LARGE1: variants seen among roughly 807,000 people sequenced by gnomAD.
LARGE1 encodes xylosyl- and glucuronyltransferase LARGE1.
A neutral mutation model predicts 87.6 loss-of-function variants in LARGE1; 43 were observed. The observed-to-expected ratio is 0.49, with a 90% confidence interval of 0.38 to 0.63. LARGE1 has a LOEUF of 0.63. Ranked by LOEUF, LARGE1 falls within the 30% of genes least tolerant of loss-of-function variation. LARGE1 has a pLI of 0.00. For missense variants in LARGE1, 802 were observed against 1,000.2 expected, an observed-to-expected ratio of 0.80 and a Z score of 2.67; for synonymous variants, 434 against 394.6, an observed-to-expected ratio of 1.10 and a Z score of -1.18.
intron 11 of LARGE1, among the ~76,000 whole-genome samples, chr22:33,259,884 G>T (rs1054603850): frequency 1.2e-4 from 18 of 152,180 alleles, no homozygotes; most frequent in African/African-American, 4.3e-4. Flanking sequence ...CTGGTATTTT[G>T]ACATCTGGGG....
intron 2 of LARGE1, among the ~76,000 whole-genome samples, chr22:33,728,610 TC>T (rs1187109735): frequency 6.8e-6 from 1 of 146,708 alleles, no homozygotes; most frequent in African/African-American, 2.5e-5. Context: ...CCAGGGGATT[TC>T]TTCCAGGTAC....
the LARGE1 span, among the ~76,000 whole-genome samples, chr22:33,068,513 C>T: frequency 1.3e-5 from 2 of 152,020 alleles, no homozygotes; most frequent in South Asian, 2.1e-4. Context: ...GGTGTGGTGG[C>T]GGGCACCTGT....
chr22:33,347,357 G>A (rs1939881655), intron 9 of LARGE1, among the ~76,000 whole-genome samples: 1 of 152,178 alleles, frequency 6.6e-6, no homozygotes, highest in Non-Finnish European at 1.5e-5. Flanking sequence ...CACAGTGCTT[G>A]GCACGCAGTT....
At chr22:33,575,445 T>C (rs981357187) in intron 5 of LARGE1, among the ~76,000 whole-genome samples, 1 of 152,188 alleles carries the variant, frequency 6.6e-6, no homozygotes, top group Non-Finnish European at 1.5e-5. Context: ...TGTACTTCTT[T>C]TTAAATTTAG....
At position 33,616,021 on chromosome 22, in the gene LARGE1, T is replaced by G. The variant is rs573922451; in HGVS notation, c.491+10223A>C. On this transcript the variant is annotated intron_variant, in intron 4 of 14. Transcript: ENST00000397394. ...AAAAAGATATATAACAAACAGTGATTAAGAATTTGCAGATATTGGAACCCT... is the reference window on the plus strand; with the variant it reads ...AAAAAGATATATAACAAACAGTGATGAAGAATTTGCAGATATTGGAACCCT... Among the ~76,000 whole-genome samples the G allele has an allele frequency of 9.2e-5, 14 of 152,272 alleles. 1 individual carries two copies. The highest frequency in any genetic ancestry group is 9.2e-4 in the Admixed American group (14 of 15,300).
At chr22:33,702,332 C>T (rs1244117830) in intron 2 of LARGE1, among the ~76,000 whole-genome samples, 1 of 152,166 alleles carries the variant, frequency 6.6e-6, no homozygotes, top group Non-Finnish European at 1.5e-5. Context: ...CTACCATTCT[C>T]CAAGGCCCAG....
chr22:33,624,515 GAGA>G (rs1313362363), intron 4 of LARGE1, among the ~76,000 whole-genome samples: 1 of 152,128 alleles, frequency 6.6e-6, no homozygotes, highest in Non-Finnish European at 1.5e-5. Flanking sequence ...GGAGGAAATG[GAGA>G]AGGAGGGAGA....
At chr22:33,739,261 G>C (rs963823378) in intron 2 of LARGE1, among the ~76,000 whole-genome samples, 11 of 152,116 alleles carry the variant, frequency 7.2e-5, no homozygotes, top group African/African-American at 2.7e-4. Flanking sequence ...TGGGATGCCT[G>C]GCTTTGGGAA....
At chr22:33,343,569 C>G (rs1432459291) in intron 9 of LARGE1, among the ~76,000 whole-genome samples, 1 of 152,208 alleles carries the variant, frequency 6.6e-6, no homozygotes. Context: ...TAGCCCCCTA[C>G]TGTCCTTACT....
intron 12 of LARGE1, among the ~76,000 whole-genome samples, chr22:33,300,817 C>T (rs967842583): frequency 2.6e-5 from 4 of 152,014 alleles, no homozygotes; most frequent in Non-Finnish European, 5.9e-5. Flanking sequence ...TGGGATTACA[C>T]GCGTGAGCCA....
chr22:33,658,819 C>A (rs189338667), intron 2 of LARGE1, among the ~76,000 whole-genome samples: 110 of 152,294 alleles, frequency 7.2e-4, no homozygotes, highest in African/African-American at 2.5e-3. Flanking sequence ...AAAACAGCCA[C>A]TCCCATGGGA....
intron 1 of LARGE1, among the ~76,000 whole-genome samples, chr22:33,816,302 G>C (rs1166709068): frequency 6.6e-6 from 1 of 152,162 alleles, no homozygotes; most frequent in Non-Finnish European, 1.5e-5. Flanking sequence ...AAAACAAAAT[G>C]CCACCGACTA....
At chr22:33,812,548 T>C (rs967392466) in intron 1 of LARGE1, among the ~76,000 whole-genome samples, 1 of 152,196 alleles carries the variant, frequency 6.6e-6, no homozygotes, top group African/African-American at 2.4e-5. Flanking sequence ...TTGTCATCAG[T>C]GAGGCCTCAC....
At chr22:33,571,500 A>T (rs115458277) in intron 5 of LARGE1, among the ~76,000 whole-genome samples, 157 of 152,276 alleles carry the variant, frequency 1.0e-3, no homozygotes, top group African/African-American at 3.7e-3. Context: ...AATGGTGATG[A>T]CACATTTCTG....
chr22:33,390,997 A>G (rs2065499695), intron 7 of LARGE1, among the ~76,000 whole-genome samples: 1 of 151,914 alleles, frequency 6.6e-6, no homozygotes, highest in Non-Finnish European at 1.5e-5. Flanking sequence ...ACACCCAGCT[A>G]ATTTTTTGTA....
chr22:33,407,934 A>G (rs1356215363), intron 7 of LARGE1, among the ~76,000 whole-genome samples: 1 of 152,048 alleles, frequency 6.6e-6, no homozygotes, highest in Non-Finnish European at 1.5e-5. Context: ...GGGAATACAC[A>G]TGTCATAGTA....
the LARGE1 span, among the ~76,000 whole-genome samples, chr22:33,098,345 C>T: frequency 0.047 from 7,124 of 152,120 alleles, 373 homozygotes; most frequent in East Asian, 0.25. Context: ...ATAGGCCGGG[C>T]GCAGTGGCTC....
At chr22:33,715,847 C>A (rs2082892573) in intron 2 of LARGE1, among the ~76,000 whole-genome samples, 1 of 152,204 alleles carries the variant, frequency 6.6e-6, no homozygotes, top group South Asian at 2.1e-4. Flanking sequence ...AAAGGGCCTC[C>A]ATGGAAACGC....
intron 5 of LARGE1, among the ~76,000 whole-genome samples, chr22:33,588,515 G>A (rs1168485917): frequency 1.1e-4 from 5 of 45,960 alleles, no homozygotes; most frequent in African/African-American, 1.8e-4. Context: ...GTGTGCGTGT[G>A]TGTGTGTGTG....
Sources: allele counts gnomAD v4.1 joint callset (sites outside exome capture counted in the v4.1 genomes callset), GRCh38; gene constraint gnomAD v4.1.1; transcripts MANE v1.5; gene names NCBI Gene and HGNC (gene_info 2026-07-23, HGNC 2026-07-21).